The following FAM117A variants were observed in gnomAD, a reference collection of about 807,000 sequenced individuals.
FAM117A encodes protein FAM117A.
In FAM117A, 21 loss-of-function variants were observed where a neutral mutation model predicts 44.1. That is an observed-to-expected ratio of 0.48 (90% CI 0.34 to 0.69). The LOEUF is 0.69. FAM117A is among the 30% of genes least tolerant of loss of function. The pLI is 0.01. For synonymous variants in FAM117A, 220 were observed against 238.3 expected (o/e 0.92, Z 0.71); for missense variants, 498 against 589.9 (o/e 0.84, Z 1.61).
In FAM117A at chr17:49,716,173, T is replaced by G; in HGVS notation, c.1053A>C (p.Glu351Asp). ...CCACTTGGTGTACTCACGTGGCTTC[T>G]TCAAACACACGCACTTTCTCACAGC... ...PEGCEKVRVFEEATSPGPDLA... is the reference protein window; with the variant it reads ...PEGCEKVRVFDEATSPGPDLA... Residue 351 changes from glutamate (E) to aspartate (D), a missense_variant, in exon 7 of 8, where the codon GAA (glutamate) becomes GAC (aspartate). Physicochemically the swap from Glu to Asp is conservative, Grantham distance 45 (BLOSUM62 2). Transcript: ENST00000240364. The G allele has an allele frequency of 6.2e-7, 1 of 1,601,916 alleles. No homozygotes were observed. Among genetic ancestry groups the G allele is most frequent in the Middle Eastern group, 1.9e-4 (1 of 5,178 alleles).
At chr17:49,759,791 C>T (rs970253767) in intron 1 of FAM117A, among the ~76,000 whole-genome samples, 4 of 152,192 alleles carry the variant, frequency 2.6e-5, no homozygotes, top group Admixed American at 1.3e-4. Context: ...CTCGTATTCA[C>T]GAAACAGCCA....
intron 2 of FAM117A, among the ~76,000 whole-genome samples, chr17:49,732,017 C>T (rs1290604311): frequency 6.6e-6 from 1 of 152,160 alleles, no homozygotes; most frequent in Non-Finnish European, 1.5e-5. Context: ...AACTCTTGAC[C>T]TCAGGTGATC....
chr17:49,732,231 G>A (rs929513206), intron 2 of FAM117A: 26 of 202,310 alleles, frequency 1.3e-4, no homozygotes, highest in South Asian at 5.8e-4. Context: ...TTCCATATAA[G>A]TTTACAAAGA....
intron 1 of FAM117A, among the ~76,000 whole-genome samples, chr17:49,757,637 C>A (rs113364396): frequency 3.3e-5 from 5 of 152,294 alleles, no homozygotes; most frequent in East Asian, 1.9e-4. Flanking sequence ...GAGCTCCACA[C>A]GACTGGAGAA....
upstream of FAM117A, chr17:49,765,693 A>G (rs768115426): frequency 6.6e-6 from 1 of 152,222 alleles, no homozygotes. Flanking sequence ...CTACTTTTCC[A>G]TGAAGAGGAC....
chr17:49,712,624 CCTCAT>C (rs2073484121), intron 7 of FAM117A, among the ~76,000 whole-genome samples: 1 of 152,130 alleles, frequency 6.6e-6, no homozygotes, highest in Admixed American at 6.5e-5. Flanking sequence ...AATCCTCCCA[CCTCAT>C]CCTCCTGAGT....
intron 1 of FAM117A, among the ~76,000 whole-genome samples, chr17:49,750,155 A>C (rs920322116): frequency 6.7e-6 from 1 of 148,940 alleles, no homozygotes; most frequent in Non-Finnish European, 1.5e-5. Flanking sequence ...TAATCTTTAC[A>C]CAGATTCGCC....
chr17:49,773,963 A>G (rs1425711474), intron 1 of FAM117A, among the ~76,000 whole-genome samples: 1 of 152,176 alleles, frequency 6.6e-6, no homozygotes, highest in African/African-American at 2.4e-5. Context: ...CATGTTGGTC[A>G]GGTTGGTGTC....
At chr17:49,752,807 A>T (rs2073682646) in intron 1 of FAM117A, among the ~76,000 whole-genome samples, 1 of 152,070 alleles carries the variant, frequency 6.6e-6, no homozygotes, top group South Asian at 2.1e-4. Flanking sequence ...TATGGTGTGG[A>T]TAGTCACCTT....
At chr17:49,716,037 A>G in intron 7 of FAM117A, 128 bp downstream of exon 7, 1 of 1,007,930 alleles carries the variant, frequency 9.9e-7, no homozygotes, top group Non-Finnish European at 1.4e-6. Flanking sequence ...TTGATCATGG[A>G]AAGCTGGCAA....
chr17:49,717,432 AATTGACT>A (rs1474910614), intron 6 of FAM117A, 74 bp downstream of exon 6: 4 of 1,239,606 alleles, frequency 3.2e-6, no homozygotes, highest in Non-Finnish European at 4.6e-6. Flanking sequence ...GCTAGGCCTG[AATTGACT>A]AGAGGTGGAA....
chr17:49,726,211 G>A (rs1004690157), intron 2 of FAM117A, among the ~76,000 whole-genome samples: 5 of 152,214 alleles, frequency 3.3e-5, no homozygotes, highest in South Asian at 2.1e-4. Context: ...TGCTGACATC[G>A]AGTATTCTTT....
intron 6 of FAM117A, among the ~76,000 whole-genome samples, chr17:49,716,633 C>T (rs2073504929): frequency 6.6e-6 from 1 of 152,204 alleles, no homozygotes; most frequent in Non-Finnish European, 1.5e-5. Flanking sequence ...AACTGTGTCT[C>T]TCTCTGCCTT....
intron 1 of FAM117A, among the ~76,000 whole-genome samples, chr17:49,770,776 C>T (rs923916431): frequency 2.0e-5 from 3 of 151,840 alleles, no homozygotes; most frequent in Admixed American, 6.6e-5. Flanking sequence ...TGGTGGTGCA[C>T]GCCTGTAGTC....
At chr17:49,755,623 C>G (rs2073695641) in intron 1 of FAM117A, among the ~76,000 whole-genome samples, 3 of 152,222 alleles carry the variant, frequency 2.0e-5, no homozygotes, top group Non-Finnish European at 2.9e-5. Flanking sequence ...GCAATGACAT[C>G]TATGGAAATG....
chr17:49,717,108 C>T (rs1391564748), intron 6 of FAM117A, among the ~76,000 whole-genome samples: 1 of 152,048 alleles, frequency 6.6e-6, no homozygotes, highest in Non-Finnish European at 1.5e-5. Context: ...TCAAACTATG[C>T]AACCCTGGGC....
chr17:49,770,491 C>T (rs1204505796), intron 1 of FAM117A, among the ~76,000 whole-genome samples: 2 of 152,162 alleles, frequency 1.3e-5, no homozygotes, highest in Non-Finnish European at 2.9e-5. Flanking sequence ...TTGCCTAGGA[C>T]TGGAGGTGGG....
chr17:49,729,878 C>A (rs2073577579), intron 2 of FAM117A, among the ~76,000 whole-genome samples: 1 of 152,142 alleles, frequency 6.6e-6, no homozygotes, highest in African/African-American at 2.4e-5. Flanking sequence ...TTCCCTCTTC[C>A]CCTCTCCAGA....
At chr17:49,766,378 G>C (rs2073745977), upstream of FAM117A, among the ~76,000 whole-genome samples, 1 of 152,158 alleles carries the variant, frequency 6.6e-6, no homozygotes, top group Admixed American at 6.5e-5. Context: ...ATCACAATAG[G>C]CATGTAAGGC....
Sources: gnomAD v4.1 joint callset for allele counts (sites outside exome capture counted in the v4.1 genomes callset) on GRCh38, gnomAD v4.1.1 for gene constraint, MANE v1.5 for transcripts, NCBI Gene and HGNC (gene_info 2026-07-23, HGNC 2026-07-21) for gene names.